Variants in NAA60 observed in about 807,000 individuals in gnomAD.
NAA60 encodes N-alpha-acetyltransferase 60.
In NAA60, 8 loss-of-function variants were observed where a neutral mutation model predicts 26.1. The ratio of observed to expected loss-of-function variants is 0.31; its 90% CI spans 0.18 to 0.55. The LOEUF is 0.55. NAA60 is among the 20% of genes least tolerant of loss of function. The pLI, the probability that NAA60 is intolerant of heterozygous loss-of-function variation, is 0.93. For synonymous variants in NAA60, 131 were observed against 122.5 expected, an observed-to-expected ratio of 1.07 and a Z score of -0.46; for missense variants, 290 against 311.3, an observed-to-expected ratio of 0.93 and a Z score of 0.51.
Position 3,476,326 on chromosome 16 carries a change from G to C in NAA60, c.99G>C (p.Trp33Cys). 1 of 1,613,778 alleles carries C rather than the reference G, an allele frequency of 6.2e-7. No homozygotes were observed. Among genetic ancestry groups the C allele is most frequent in the Non-Finnish European group, 8.5e-7 (1 of 1,179,722 alleles). The change falls in exon 3 of 8, where the codon TGG becomes TGC. Residue 33 changes from tryptophan to cysteine, a missense_variant. Coordinates refer to ENST00000407558, the MANE Select transcript of NAA60 (RefSeq NM_001083601.3). ...CTGTGAAGCACCTGTGTGGCGACTG[G>C]TTCCCCATCGAGTAAGTGGAGCGGA... The part of the protein sequence containing the change: ...IDTVKHLCGD[W>C]FPIEYPDSWY...
At chr16:3,478,657 C>T (rs79356279) in intron 3 of NAA60, among the ~76,000 whole-genome samples, 5 of 152,150 alleles carry the variant, frequency 3.3e-5, no homozygotes, top group South Asian at 4.1e-4. Flanking sequence ...GATGAGCAGC[C>T]GTTAGCAGCC....
At chr16:3,452,545 A>G (rs2034825932) in intron 2 of NAA60, among the ~76,000 whole-genome samples, 1 of 151,772 alleles carries the variant, frequency 6.6e-6, no homozygotes, top group African/African-American at 2.4e-5. Context: ...AGTCCCAGCT[A>G]CTCAGGAAGC....
chr16:3,480,218 A>G (rs2036739091), intron 4 of NAA60, among the ~76,000 whole-genome samples: 1 of 152,186 alleles, frequency 6.6e-6, no homozygotes, highest in Admixed American at 6.6e-5. Context: ...AATGTTTACC[A>G]CCCGAGGATT....
intron 2 of NAA60, among the ~76,000 whole-genome samples, chr16:3,457,263 T>A (rs1244789320): frequency 6.6e-6 from 1 of 152,016 alleles, no homozygotes; most frequent in Non-Finnish European, 1.5e-5. Context: ...CTGGGCAACA[T>A]AATGACATTC....
chr16:3,446,426 G>C (rs1003707025), intron 1 of NAA60, among the ~76,000 whole-genome samples: 14 of 151,126 alleles, frequency 9.3e-5, no homozygotes, highest in Non-Finnish European at 1.8e-4. Context: ...AGCTACTCGG[G>C]AGGCTGAGGC....
chr16:3,453,396 A>T (rs976581269), intron 2 of NAA60, among the ~76,000 whole-genome samples: 1 of 152,038 alleles, frequency 6.6e-6, no homozygotes, highest in African/African-American at 2.4e-5. Flanking sequence ...TCTGTCTCCA[A>T]TAATGAAATC....
At chr16:3,475,128 T>G (rs1165840991) in intron 2 of NAA60, among the ~76,000 whole-genome samples, 1 of 148,992 alleles carries the variant, frequency 6.7e-6, no homozygotes. Flanking sequence ...CTCACTCTGT[T>G]GCCCAGGCTG....
At chr16:3,479,664 C>A in intron 4 of NAA60, 64 bp downstream of exon 4, 1 of 1,572,388 alleles carries the variant, frequency 6.4e-7, no homozygotes, top group Non-Finnish European at 8.7e-7. Context: ...AGGGGGCTTG[C>A]GATGGAATCA....
intron 2 of NAA60, among the ~76,000 whole-genome samples, chr16:3,451,232 C>T (rs2034770701): frequency 6.6e-6 from 1 of 152,222 alleles, no homozygotes; most frequent in Admixed American, 6.5e-5. Flanking sequence ...GCCCAGCCTC[C>T]ATTTCACTTG....
chr16:3,458,754 A>G (rs2035174494), intron 2 of NAA60, among the ~76,000 whole-genome samples: 1 of 152,018 alleles, frequency 6.6e-6, no homozygotes, highest in South Asian at 2.1e-4. Flanking sequence ...TGTTAAGACA[A>G]ATTCCTTACG....
At chr16:3,453,984 G>T (rs2034882335) in intron 2 of NAA60, among the ~76,000 whole-genome samples, 1 of 152,272 alleles carries the variant, frequency 6.6e-6, no homozygotes, top group African/African-American at 2.4e-5. Context: ...ATCACCTGGG[G>T]TTGGATACTG....
rs545947775 is a variant in NAA60, at chr16:3,449,294, G to A, written c.-7+754G>A. Reference sequence around the variant, plus strand: ...AGCACTTTGGGAGGCCAAGGCAGGTGGATCATGAGGTCAGGAGATCGAGAC... The same window carrying A: ...AGCACTTTGGGAGGCCAAGGCAGGTAGATCATGAGGTCAGGAGATCGAGAC... On this transcript the variant is annotated intron_variant, in intron 2 of 7. Transcript: ENST00000407558. Among the ~76,000 whole-genome samples, 107 of 152,188 alleles carry A rather than the reference G, an allele frequency of 7.0e-4. 1 individual carries two copies. Among genetic ancestry groups the A allele is most frequent in the Admixed American group, 7.0e-3 (107 of 15,276 alleles).
intron 2 of NAA60, among the ~76,000 whole-genome samples, chr16:3,461,930 T>C (rs1004901639): frequency 6.6e-6 from 1 of 151,858 alleles, no homozygotes; most frequent in Non-Finnish European, 1.5e-5. Flanking sequence ...TCTAAAAAAA[T>C]ACAGAAATTA....
In NAA60 at chr16:3,479,497, T is replaced by G. The variant is rs770583291; in HGVS notation, c.137T>G (p.Ile46Ser). The G allele has an allele frequency of 6.2e-7, 1 of 1,614,032 alleles. No homozygotes were observed. Among genetic ancestry groups the G allele is most frequent in the Non-Finnish European group, 8.5e-7 (1 of 1,179,872 alleles). The change falls in exon 4 of 8, where the codon ATC (isoleucine) becomes AGC (serine). Residue 46 changes from isoleucine (I) to serine (S), a missense_variant. Transcript: ENST00000407558. ...TACCCAGACTCATGGTATCGTGATA[T>G]CACATCCAACAAGAAGTTCTTTTCC... ...IEYPDSWYRDITSNKKFFSLA... is the reference protein window; with the variant it reads ...IEYPDSWYRDSTSNKKFFSLA...
At chr16:3,473,859 T>C (rs979740508) in intron 2 of NAA60, among the ~76,000 whole-genome samples, 1 of 151,970 alleles carries the variant, frequency 6.6e-6, no homozygotes, top group African/African-American at 2.4e-5. Context: ...CTCAGCCTCC[T>C]GAGTAGCCGG....
chr16:3,475,896 G>A (rs2036449172), intron 2 of NAA60, among the ~76,000 whole-genome samples: 1 of 152,254 alleles, frequency 6.6e-6, no homozygotes, highest in African/African-American at 2.4e-5. Context: ...CCCTCGGAAG[G>A]ACCACTGTCA....
chr16:3,446,702 C>G (rs2150941497), intron 1 of NAA60, among the ~76,000 whole-genome samples: 1 of 151,724 alleles, frequency 6.6e-6, no homozygotes, highest in African/African-American at 2.4e-5. Flanking sequence ...CTTCCGCCTC[C>G]TGGGTTCAAG....
In NAA60 at chr16:3,482,528, C is replaced by T. The variant is rs1278923165; in HGVS notation, c.267C>T (p.Phe89=). ...KEDGDILASN[F]SVDTQVAYIL... ...ATGGAGATATTCTAGCATCCAACTT[C>T]TCTGTTGACACACAAGTCGCGTACA... The change falls in exon 5 of 8, where the codon TTC becomes TTT. Residue 89 remains phenylalanine (F), a synonymous_variant. Transcript: ENST00000407558. The T allele has an allele frequency of 4.4e-6, 7 of 1,606,434 alleles. No homozygotes were observed. Among genetic ancestry groups the T allele is most frequent in the Non-Finnish European group, 5.9e-6 (7 of 1,176,554 alleles).
chr16:3,470,998 C>T (rs1330652524), intron 2 of NAA60, among the ~76,000 whole-genome samples: 1 of 152,186 alleles, frequency 6.6e-6, no homozygotes, highest in Non-Finnish European at 1.5e-5. Flanking sequence ...GAACTGGCCT[C>T]CAGAAACACG....
Sources: allele counts gnomAD v4.1 joint callset (sites outside exome capture counted in the v4.1 genomes callset), GRCh38; gene constraint gnomAD v4.1.1; transcripts MANE v1.5; gene names NCBI Gene and HGNC (gene_info 2026-07-23, HGNC 2026-07-21).